Variants in SLC10A4 observed in about 807,000 individuals in gnomAD.
SLC10A4 encodes the protein putative sodium/bile acid cotransporter 4.
In SLC10A4, 17 loss-of-function variants were observed where a neutral mutation model predicts 22.5. The observed-to-expected ratio is 0.76, with a 90% confidence interval of 0.52 to 1.14. The LOEUF is 1.14. SLC10A4 is among the 50% of genes most tolerant of loss of function. SLC10A4 has a pLI of 0.00. For missense variants in SLC10A4, 548 were observed against 584.0 expected (o/e 0.94, Z 0.64); for synonymous variants, 257 against 258.2 (o/e 1.00, Z 0.04).
intron 2 of SLC10A4, 132 bp downstream of exon 2, chr4:48,485,274 T>A (rs1718264640): frequency 6.8e-6 from 6 of 881,696 alleles, no homozygotes; most frequent in Non-Finnish European, 1.0e-5. Flanking sequence ...TGGATAAAAT[T>A]TTTTTTAAAA....
In SLC10A4 at chr4:48,483,434, C is replaced by T; in HGVS notation, c.-128C>T. The T allele has an allele frequency of 1.5e-6, 1 of 659,252 alleles. No homozygotes were observed. The highest frequency in any genetic ancestry group is 1.9e-5 in the African/African-American group (1 of 52,070). 40.8% of individuals were successfully genotyped at this position (659,252 alleles called of 1,614,324 possible). On this transcript the variant is annotated 5_prime_UTR_variant, in exon 1 of 3. Transcript: ENST00000273861. This position sits in a 1 kb window ranked among gnomAD's most constrained non-coding sequence, Gnocchi z 5.4. ...GCCCGCCGCCCCCGACGCCGCCGAG[C>T]ACGTCAGCGGCGCGCAGCCGGGGCT...
In SLC10A4 at chr4:48,483,907, A is replaced by G; in HGVS notation, c.346A>G (p.Thr116Ala). The change falls in exon 1 of 3, where the codon ACC becomes GCC. Residue 116 changes from threonine (T) to alanine (A), a missense_variant. Thr to Ala is a moderately conservative substitution (Grantham distance 58). Coordinates refer to ENST00000273861, the MANE Select transcript of SLC10A4 (RefSeq NM_152679.4). This position sits in a 1 kb window ranked among gnomAD's most constrained non-coding sequence, Gnocchi z 5.4. ...GTTCGTGGGCGCCGCCCTGTGCATC[A>G]CCATGCTGGGCCTGGGCTGCACGGT... ...NVFVGAALCI[T>A]MLGLGCTVDV... The G allele has an allele frequency of 6.5e-7, 1 of 1,544,826 alleles. No individual in the cohort carries two copies. The highest frequency in any genetic ancestry group is 8.7e-7 in the Non-Finnish European group (1 of 1,146,460).
chr4:48,483,529 G>C lies in SLC10A4; in HGVS notation c.-33G>C, dbSNP rs2148671663. On this transcript the variant is annotated 5_prime_UTR_variant, in exon 1 of 3. Transcript: ENST00000273861. The surrounding 1 kb of genome is among the most constrained non-coding windows in gnomAD (Gnocchi z 5.4). ...CGGGACGGCGAGAGGCACGCGGCGG[G>C]AGGGGACCGGAATCCGCAGCTCCGG... 6.8e-7 allele frequency: 1 copy of C among 1,473,950 alleles called. No homozygotes were observed. The highest frequency in any genetic ancestry group is 1.3e-5 in the South Asian group (1 of 78,190). 91.3% of individuals were successfully genotyped at this position (1,473,950 alleles called of 1,614,324 possible).
Position 48,483,364 on chromosome 4 carries a change from G to A in SLC10A4, c.-198G>A, listed in dbSNP as rs1394149595. 2.0e-5 allele frequency: 6 copies of A among 293,438 alleles called. No individual in the cohort carries two copies. The highest frequency in any genetic ancestry group is 1.1e-4 in the Admixed American group (2 of 18,924). 18.2% of individuals were successfully genotyped at this position (293,438 alleles called of 1,614,324 possible). A position where few individuals can be genotyped will look rare whatever the true frequency, so the allele number is the denominator to read the frequency against. Reference sequence around the variant, plus strand: ...GTTCACCCGGGGGGCCGCGCTGCGCGGAGTGCCAGGCTGCGGGCGGCTGCA... The same window carrying A: ...GTTCACCCGGGGGGCCGCGCTGCGCAGAGTGCCAGGCTGCGGGCGGCTGCA... On this transcript the variant is annotated 5_prime_UTR_variant, in exon 1 of 3. Coordinates refer to ENST00000273861, the MANE Select transcript of SLC10A4 (RefSeq NM_152679.4). The surrounding 1 kb of genome is among the most constrained non-coding windows in gnomAD (Gnocchi z 5.4).
intron 2 of SLC10A4, among the ~76,000 whole-genome samples, chr4:48,485,671 A>G (rs1363694054): frequency 6.6e-6 from 1 of 152,256 alleles, no homozygotes; most frequent in African/African-American, 2.4e-5. Context: ...TTGTAGTAAT[A>G]GAACACACAA....
chr4:48,484,256 C>T, intron 1 of SLC10A4, 105 bp downstream of exon 1: 1 of 1,177,506 alleles, frequency 8.5e-7, no homozygotes, highest in East Asian at 2.5e-5. Context: ...TGGAATTAGG[C>T]GTGGAGGAAG....
chr4:48,483,382 C>A lies in SLC10A4; in HGVS notation c.-180C>A. 1 of 347,156 alleles carries A rather than the reference C, an allele frequency of 2.9e-6. No homozygotes were observed. The highest frequency in any genetic ancestry group is 5.0e-6 in the Non-Finnish European group (1 of 199,144). 21.5% of individuals were successfully genotyped at this position (347,156 alleles called of 1,614,324 possible). A position where few individuals can be genotyped will look rare whatever the true frequency, so the allele number is the denominator to read the frequency against. ...GCTGCGCGGAGTGCCAGGCTGCGGG[C>A]GGCTGCAGACCTGGGAGCGGAGACC... On this transcript the variant is annotated 5_prime_UTR_variant, in exon 1 of 3. Coordinates refer to ENST00000273861, the MANE Select transcript of SLC10A4 (RefSeq NM_152679.4). This position sits in a 1 kb window ranked among gnomAD's most constrained non-coding sequence, Gnocchi z 5.4.
At chr4:48,488,334 A>G in intron 2 of SLC10A4, 93 bp from the exon 3 acceptor site, 1 of 1,131,248 alleles carries the variant, frequency 8.8e-7, no homozygotes, top group Non-Finnish European at 1.2e-6. Context: ...TTTGTGTTGG[A>G]GAGCATACTA....
intron 2 of SLC10A4, among the ~76,000 whole-genome samples, chr4:48,487,769 G>A (rs1314606905): frequency 7.6e-6 from 1 of 131,786 alleles, no homozygotes; most frequent in Non-Finnish European, 1.6e-5. Flanking sequence ...GCTTTTGAAG[G>A]CTATTTTTTT....
Position 48,483,693 on chromosome 4 carries a change from C to A in SLC10A4, c.132C>A (p.Pro44=). The A allele has an allele frequency of 6.9e-7, 1 of 1,458,044 alleles. No homozygotes were observed. Among genetic ancestry groups the A allele is most frequent in the Non-Finnish European group, 9.0e-7 (1 of 1,111,844 alleles). The allele number at this position is 1,458,044 out of a possible 1,614,324, so 90.3% of individuals were successfully genotyped here. ...TCGCCCCTGCCTCCAGCGCCGGCCC[C>A]GGCCCTGGGCTCAGCCTCGGGCCGG... The part of the protein sequence containing the change: ...LALAPASSAG[P]GPGLSLGPGP... Residue 44 remains proline, a synonymous_variant, in exon 1 of 3, where the codon CCC becomes CCA. Transcript: ENST00000273861. This position sits in a 1 kb window ranked among gnomAD's most constrained non-coding sequence, Gnocchi z 5.4.
intron 2 of SLC10A4, among the ~76,000 whole-genome samples, chr4:48,487,500 C>T (rs1054452329): frequency 3.9e-5 from 6 of 152,128 alleles, no homozygotes; most frequent in Non-Finnish European, 7.4e-5. Context: ...ATGGAAAACA[C>T]GGGGTTCAGT....
chr4:48,483,419 C>A lies in SLC10A4; in HGVS notation c.-143C>A. 1 of 541,624 alleles carries A rather than the reference C, an allele frequency of 1.8e-6. No individual in the cohort carries two copies. The highest frequency in any genetic ancestry group is 2.8e-6 in the Non-Finnish European group (1 of 356,658). 33.6% of individuals were successfully genotyped at this position (541,624 alleles called of 1,614,324 possible). A position where few individuals can be genotyped will look rare whatever the true frequency, so the allele number is the denominator to read the frequency against. On this transcript the variant is annotated 5_prime_UTR_variant, in exon 1 of 3. Transcript: ENST00000273861. This position sits in a 1 kb window ranked among gnomAD's most constrained non-coding sequence, Gnocchi z 5.4. ...TGGGAGCGGAGACCGGCCCGCCGCC[C>A]CCGACGCCGCCGAGCACGTCAGCGG...
At chr4:48,485,903 T>C (rs1250773514) in intron 2 of SLC10A4, among the ~76,000 whole-genome samples, 1 of 152,208 alleles carries the variant, frequency 6.6e-6, no homozygotes, top group African/African-American at 2.4e-5. Flanking sequence ...GAGATTTTAA[T>C]AGTTTAGTAG....
At chr4:48,487,017 T>G (rs1718293791) in intron 2 of SLC10A4, among the ~76,000 whole-genome samples, 1 of 152,172 alleles carries the variant, frequency 6.6e-6, no homozygotes, top group African/African-American at 2.4e-5. Context: ...CTGGCTCTAG[T>G]TTCCTTTCCC....
rs781680990 is a variant in SLC10A4 at position 48,488,501 on chromosome 4, G to T, written c.876G>T (p.Leu292=). The T allele has an allele frequency of 6.2e-7, 1 of 1,613,840 alleles. No individual in the cohort carries two copies. Among genetic ancestry groups the T allele is most frequent in the East Asian group, 2.2e-5 (1 of 44,876 alleles). ...IMTGTMLGPE[L]LASIPAAVYV... is the part of the protein sequence containing the mutation. ...CCGGCACTATGTTAGGACCTGAACT[G>T]CTGGCAAGTATCCCTGCAGCTGTTT... is the stretch of plus-strand genomic sequence containing the variant. The change falls in exon 3 of 3, where the codon CTG becomes CTT. Residue 292 remains leucine (L), a synonymous_variant. Transcript: ENST00000273861.
At position 48,484,066 on chromosome 4, in the gene SLC10A4, G is replaced by T. The variant is rs1288669395; in HGVS notation, c.505G>T (p.Val169Leu). ...LAFKLDEVAA[V>L]AVLLCGCCPG... ...CTTCAAGCTGGACGAGGTGGCCGCC[G>T]TGGCGGTGCTCCTGTGTGGCTGCTG... is the stretch of plus-strand genomic sequence containing the variant. Residue 169 changes from valine (V) to leucine (L), a missense_variant, in exon 1 of 3, where the codon GTG (valine) becomes TTG (leucine). Coordinates refer to ENST00000273861, the MANE Select transcript of SLC10A4 (RefSeq NM_152679.4). 1.9e-6 allele frequency: 3 copies of T among 1,604,692 alleles called. No individual in the cohort carries two copies. The highest frequency in any genetic ancestry group is 1.7e-4 in the Middle Eastern group (1 of 6,054).
At position 48,488,794 on chromosome 4, in the gene SLC10A4, T is replaced by C. The variant is rs1237717224; in HGVS notation, c.1169T>C (p.Leu390Ser). ...LIYKMYGSEM[L>S]HKRDPLDEDE... ...TATAAAATGTATGGAAGTGAAATGT[T>C]GCACAAGCGAGATCCTCTAGATGAA... Residue 390 changes from leucine to serine, a missense_variant, in exon 3 of 3, where the codon TTG becomes TCG. By Grantham distance (145) the Leu-to-Ser change is moderately radical (BLOSUM62 -2). Transcript: ENST00000273861. The C allele has an allele frequency of 1.2e-6, 2 of 1,613,938 alleles. No homozygotes were observed. Among genetic ancestry groups the C allele is most frequent in the Non-Finnish European group, 1.7e-6 (2 of 1,180,042 alleles).
intron 2 of SLC10A4, among the ~76,000 whole-genome samples, chr4:48,485,817 G>A (rs1166763841): frequency 6.6e-6 from 1 of 152,126 alleles, no homozygotes; most frequent in Non-Finnish European, 1.5e-5. Flanking sequence ...TGAAAAGATA[G>A]GGGATTTCTA....
rs1165484803 is a variant in SLC10A4 at position 48,485,039 on chromosome 4, C to A, written c.698C>A (p.Pro233His). ...WINTPIVQLL[P>H]LGTVTLTLCS... ...AACACCCCTATCGTGCAGTTACTAC[C>A]CCTAGGGACCGTGACCCTGACTCTC... The change falls in exon 2 of 3, where the codon CCC becomes CAC. Residue 233 changes from proline (P) to histidine (H), a missense_variant. By Grantham distance (77) the Pro-to-His change is moderately conservative. Transcript: ENST00000273861. The A allele has an allele frequency of 1.9e-6, 3 of 1,613,992 alleles. No homozygotes were observed. The highest frequency in any genetic ancestry group is 2.5e-6 in the Non-Finnish European group (3 of 1,180,022).
Sources: gnomAD v4.1 joint callset for allele counts (sites outside exome capture counted in the v4.1 genomes callset) on GRCh38, gnomAD v4.1.1 for gene constraint, Gnocchi (gnomAD v3.1) non-coding constraint, MANE v1.5 for transcripts, NCBI Gene and HGNC (gene_info 2026-07-23, HGNC 2026-07-21) for gene names.